Variants in NBEA observed in about 807,000 individuals in gnomAD.
NBEA encodes the protein neurobeachin.
Under a neutral mutation model 343.4 loss-of-function variants are expected in NBEA, and 44 were observed. The ratio of observed to expected loss-of-function variants is 0.13; its 90% confidence interval spans 0.10 to 0.16. The LOEUF (loss-of-function observed/expected upper bound fraction) is 0.16. Among genes scored for constraint, NBEA ranks in the 10% least tolerant of loss-of-function variants. The probability of loss-of-function intolerance (pLI) is 1.00; values close to 1 mark genes in which losing one functional copy is unlikely to be tolerated. For missense variants in NBEA, 2,555 were observed against 3,631.3 expected (o/e 0.70, Z 7.62); for synonymous variants, 1,175 against 1,238.7 (o/e 0.95, Z 1.08).
chr13:35,288,298 AAGAT>A (rs532199912), intron 34 of NBEA, among the ~76,000 whole-genome samples: 26 of 152,006 alleles, frequency 1.7e-4, no homozygotes, highest in Non-Finnish European at 3.4e-4. Flanking sequence ...GTAATTTTTG[AAGAT>A]AGATAGGTCT....
chr13:35,626,605 T>C (rs1350236908), intron 48 of NBEA, among the ~76,000 whole-genome samples: 1 of 152,210 alleles, frequency 6.6e-6, no homozygotes, highest in African/African-American at 2.4e-5. Context: ...GAACCTCTAT[T>C]TACTCATTTT....
chr13:35,124,388 G>C (rs192930510), intron 17 of NBEA, among the ~76,000 whole-genome samples: 1 of 150,496 alleles, frequency 6.6e-6, no homozygotes, highest in South Asian at 2.1e-4. Flanking sequence ...TTAAAATTTC[G>C]GTACCAAAGA....
At chr13:35,522,273 G>A (rs533434073) in intron 41 of NBEA, among the ~76,000 whole-genome samples, 2 of 151,914 alleles carry the variant, frequency 1.3e-5, no homozygotes, top group African/African-American at 4.8e-5. Context: ...ATCGAGACCA[G>A]CCTGGCCAAT....
chr13:35,426,873 C>G (rs1398219002), intron 38 of NBEA, among the ~76,000 whole-genome samples: 1 of 152,128 alleles, frequency 6.6e-6, no homozygotes, highest in South Asian at 2.1e-4. Flanking sequence ...CTAAACTTCT[C>G]GCTTCATTTC....
intron 40 of NBEA, among the ~76,000 whole-genome samples, chr13:35,461,140 G>A (rs980159136): frequency 2.6e-5 from 4 of 152,154 alleles, no homozygotes; most frequent in African/African-American, 9.7e-5. Context: ...GCCACATTGA[G>A]GGTTAAATTT....
intron 10 of NBEA, among the ~76,000 whole-genome samples, chr13:35,072,481 A>G (rs2063914551): frequency 6.6e-6 from 1 of 152,120 alleles, no homozygotes; most frequent in South Asian, 2.1e-4. Context: ...AGTTCTTTAA[A>G]TCATCCTAAT....
At chr13:35,575,484 A>C (rs924024510) in intron 45 of NBEA, among the ~76,000 whole-genome samples, 1 of 152,182 alleles carries the variant, frequency 6.6e-6, no homozygotes, top group Admixed American at 6.5e-5. Flanking sequence ...TGACTTTACT[A>C]TGAAAATTTT....
In NBEA at chr13:35,156,143, A is replaced by T; in HGVS notation, c.2588A>T (p.Glu863Val). 1 of 1,592,464 alleles carries T rather than the reference A, an allele frequency of 6.3e-7. No homozygotes were observed. The highest frequency in any genetic ancestry group is 8.5e-7 in the Non-Finnish European group (1 of 1,170,420). The change falls in exon 20 of 59, where the codon GAA becomes GTA. Residue 863 changes from glutamate to valine, a missense_variant. Physicochemically the swap from Glu to Val is moderately radical, Grantham distance 121. Around this residue, in one of 21 missense-constraint regions of NBEA, gnomAD observed 360 missense variants for 519.1 expected, o/e 0.69. Coordinates refer to ENST00000379939, the MANE Select transcript of NBEA (RefSeq NM_001385012.1). ...KNSTPSAELM[E>V]VRRLFLSDMI... is the part of the protein sequence containing the mutation. ...TCTACACCAAGTGCAGAGCTGATGGAAGTTCGTCGTTTATTTTTATCTGAT... is the reference window on the plus strand; with the variant it reads ...TCTACACCAAGTGCAGAGCTGATGGTAGTTCGTCGTTTATTTTTATCTGAT...
At chr13:35,535,713 G>A (rs1313204736) in intron 41 of NBEA, among the ~76,000 whole-genome samples, 1 of 152,176 alleles carries the variant, frequency 6.6e-6, no homozygotes, top group Non-Finnish European at 1.5e-5. Flanking sequence ...ACTGTCACAA[G>A]TGTATTGGGA....
At position 35,131,022 on chromosome 13, in the gene NBEA, G is replaced by A. The variant is rs2067394147; in HGVS notation, c.2336+7448G>A. Among the ~76,000 whole-genome samples, 3 of 151,940 alleles carry A rather than the reference G, an allele frequency of 2.0e-5. No individual in the cohort carries two copies. The South Asian group carries it at 6.3e-4, about 32-fold the overall frequency. On this transcript the variant is annotated intron_variant, in intron 17 of 58. Transcript: ENST00000379939. ...GTTGTGAATATTTATATTAAAAGCA[G>A]AAAGGTACTTAGGTTTTCATTTTTC...
chr13:35,437,633 T>C (rs924949023), intron 39 of NBEA, among the ~76,000 whole-genome samples: 1 of 152,190 alleles, frequency 6.6e-6, no homozygotes, highest in Non-Finnish European at 1.5e-5. Flanking sequence ...TTTAATGTGT[T>C]ATTTAGGTGT....
intron 35 of NBEA, among the ~76,000 whole-genome samples, chr13:35,292,342 C>T (rs1166494210): frequency 2.0e-5 from 3 of 151,936 alleles, no homozygotes; most frequent in Non-Finnish European, 4.4e-5. Context: ...GATTTATATC[C>T]TATTTTCATC....
chr13:35,376,288 A>G (rs2041736129), intron 38 of NBEA, among the ~76,000 whole-genome samples: 1 of 152,088 alleles, frequency 6.6e-6, no homozygotes, highest in Non-Finnish European at 1.5e-5. Context: ...GTTTCAAGTA[A>G]TTCTGGAGTG....
intron 1 of NBEA, among the ~76,000 whole-genome samples, chr13:35,006,363 A>C (rs910546988): frequency 2.0e-5 from 3 of 152,090 alleles, no homozygotes; most frequent in Non-Finnish European, 2.9e-5. Context: ...TTATACTTTT[A>C]TCATTTTCTG....
chr13:35,661,009 C>T (rs528024711), intron 55 of NBEA, among the ~76,000 whole-genome samples: 12 of 152,144 alleles, frequency 7.9e-5, no homozygotes, highest in Non-Finnish European at 1.6e-4. Flanking sequence ...ACCACTCATC[C>T]ACCCCATCCC....
intron 34 of NBEA, among the ~76,000 whole-genome samples, chr13:35,248,040 C>A (rs2031459424): frequency 6.6e-6 from 1 of 152,232 alleles, no homozygotes; most frequent in African/African-American, 2.4e-5. Flanking sequence ...TGGAACCACA[C>A]AACCTACCCA....
chr13:35,038,943 A>G (rs1219247206), intron 1 of NBEA, among the ~76,000 whole-genome samples: 2 of 152,064 alleles, frequency 1.3e-5, no homozygotes, highest in East Asian at 1.9e-4. Flanking sequence ...CTTACCTATG[A>G]GGTACAGTCC....
chr13:35,235,914 A>T (rs892508432), intron 34 of NBEA, among the ~76,000 whole-genome samples: 4 of 152,198 alleles, frequency 2.6e-5, no homozygotes, highest in African/African-American at 9.6e-5. Flanking sequence ...GAAATGAAAT[A>T]CTGGAACGGG....
intron 25 of NBEA, chr13:35,171,054 A>T (rs758397789): frequency 3.0e-6 from 2 of 670,346 alleles, no homozygotes; most frequent in African/African-American, 3.5e-5. Context: ...TGTTGATTTT[A>T]AAATGGGCTT....
Sources: allele counts gnomAD v4.1 joint callset (sites outside exome capture counted in the v4.1 genomes callset), GRCh38; gene constraint gnomAD v4.1.1; regional missense constraint gnomAD v4.1.1; transcripts MANE v1.5; gene names NCBI Gene and HGNC (gene_info 2026-07-23, HGNC 2026-07-21).